GALK1: variants seen among roughly 807,000 people sequenced by gnomAD.
GALK1 encodes galactokinase.
GALK1 carries 30 observed loss-of-function variants against 38.6 expected under a neutral mutation model. The ratio of observed to expected loss-of-function variants is 0.78; its 90% CI spans 0.58 to 1.05. The LOEUF is 1.05. Ranked by LOEUF, GALK1 falls within the 50% of genes least tolerant of loss-of-function variation. GALK1 has a pLI of 0.00. For missense variants in GALK1, 512 were observed against 540.5 expected, an observed-to-expected ratio of 0.95 and a Z score of 0.52; for synonymous variants, 240 against 233.6, an observed-to-expected ratio of 1.03 and a Z score of -0.25.
At position 75,763,092 on chromosome 17, in the gene GALK1, G is replaced by T; in HGVS notation, c.533C>A (p.Ala178Glu). Residue 178 changes from alanine (A) to glutamate (E), a missense_variant, in exon 4 of 8, where the codon GCA becomes GAA. By Grantham distance (107) the Ala-to-Glu change is moderately radical. Transcript: ENST00000588479. ...QVCQQAEHSFAGMPCGIMDQF... is the reference protein window; with the variant it reads ...QVCQQAEHSFEGMPCGIMDQF... Reference sequence around the variant, plus strand: ...GTCCATGATGCCACAGGGCATCCCTGCGAAGCTGTGCTCGGCCTGCTGACA... The same window carrying T: ...GTCCATGATGCCACAGGGCATCCCTTCGAAGCTGTGCTCGGCCTGCTGACA... 6.2e-7 allele frequency: 1 copy of T among 1,612,686 alleles called. No individual in the cohort carries two copies.
chr17:75,762,872 T>G lies in GALK1; in HGVS notation c.625A>C (p.Ser209Arg), dbSNP rs371785693. The change falls in exon 5 of 8, where the codon AGC becomes CGC. Residue 209 changes from serine (S) to arginine (R), a missense_variant. Physicochemically the swap from Ser to Arg is moderately radical, Grantham distance 110. Coordinates refer to ENST00000588479, the MANE Select transcript of GALK1 (RefSeq NM_000154.2). ...LLIDCRSLETSLVPLSDPKLA... is the reference protein window; with the variant it reads ...LLIDCRSLETRLVPLSDPKLA... ...TTGGGGTCCGAGAGTGGCACCAGGC[T>G]GGTCTCCAAGGACCTGGGGTGGAGT... The G allele has an allele frequency of 3.1e-6, 5 of 1,613,416 alleles. No individual in the cohort carries two copies. In the African/African-American group the frequency reaches 5.3e-5, roughly 17 times the overall value.
chr17:75,758,150 G>A (rs370066494), intron 7 of GALK1, 23 bp from the exon 8 acceptor site: 4 of 1,611,834 alleles, frequency 2.5e-6, no homozygotes, highest in Admixed American at 1.7e-5. Flanking sequence ...GGCTGGGGGT[G>A]AGTGGCAGGG....
chr17:75,764,265 C>A (rs542661324), intron 1 of GALK1, 179 bp from the exon 2 acceptor site: 1 of 776,858 alleles, frequency 1.3e-6, no homozygotes, highest in East Asian at 2.4e-5. Context: ...AGCCCTGCCC[C>A]CTTAGGTCTT....
At chr17:75,757,394 T>A, downstream of GALK1, 1 of 1,612,984 alleles carries the variant, frequency 6.2e-7, no homozygotes, top group Non-Finnish European at 8.5e-7. Context: ...AGCCAGGTCA[T>A]CTAATGCCTC....
rs375779311 is a variant in GALK1 at position 75,758,553 on chromosome 17, G to A, written c.840C>T (p.His280=). The A allele has an allele frequency of 1.4e-3, 2,166 of 1,596,504 alleles. 44 individuals are homozygous for A. The South Asian group carries it at 0.022, about 16-fold the overall frequency. The change falls in exon 6 of 8, where the codon CAC becomes CAT. Residue 280 remains histidine, a synonymous_variant. Coordinates refer to ENST00000588479, the MANE Select transcript of GALK1 (RefSeq NM_000154.2). ...VSKEGFRRAR[H]VVGEIRRTAQ... is the part of the protein sequence containing the mutation. ...CCGTGCGCCGAATCTCCCCCACCAC[G>A]TGCCGGGCCCGCCGGAAGCCCTCTT...
chr17:75,754,084 C>T (rs2061431113), downstream of GALK1: 1 of 482,342 alleles, frequency 2.1e-6, no homozygotes, highest in Non-Finnish European at 3.4e-6. Flanking sequence ...TTCAGCCAGG[C>T]CCGGGCCTTG....
downstream of GALK1, chr17:75,755,326 A>AC: frequency 8.6e-7 from 1 of 1,164,312 alleles, no homozygotes; most frequent in Non-Finnish European, 1.2e-6. Flanking sequence ...CATCCACAGG[A>AC]CCCCCGCCTG....
downstream of GALK1, chr17:75,755,981 T>G (rs2061490807): frequency 6.2e-6 from 7 of 1,131,742 alleles, no homozygotes; most frequent in Non-Finnish European, 2.6e-6. Flanking sequence ...CCATCCAGCC[T>G]GAGAGGGTCT....
At chr17:75,756,704 G>A, downstream of GALK1, 5 of 1,613,370 alleles carry the variant, frequency 3.1e-6, no homozygotes, top group Non-Finnish European at 3.4e-6. Context: ...CTGCCCCCAG[G>A]CTCCGCCTTC....
rs2061393666 is a variant in GALK1 at position 75,752,573 on chromosome 17, C to T, written c.*23-836G>A. On this transcript the variant is annotated intron_variant, in intron 8 of 8. Coordinates refer to the GALK1 transcript ENST00000225614. Reference sequence around the variant, plus strand: ...GCCAGAGGCCCAGCGTCTCCGATGACACTGGTGAGTGGAGACCTGGGACCC... The same window carrying T: ...GCCAGAGGCCCAGCGTCTCCGATGATACTGGTGAGTGGAGACCTGGGACCC... 1 of 1,613,446 alleles carries T rather than the reference C, an allele frequency of 6.2e-7. No individual in the cohort carries two copies. The highest frequency in any genetic ancestry group is 1.3e-5 in the African/African-American group (1 of 74,946).
At chr17:75,754,673 C>T, downstream of GALK1, 2 of 1,614,126 alleles carry the variant, frequency 1.2e-6, no homozygotes, top group Non-Finnish European at 1.7e-6. Flanking sequence ...ATGGCACCCA[C>T]CTGAGCCCAC....
intron 5 of GALK1, 87 bp from the exon 6 acceptor site, chr17:75,758,686 G>T (rs1462958606): frequency 1.3e-6 from 2 of 1,501,964 alleles, no homozygotes; most frequent in East Asian, 2.4e-5. Flanking sequence ...GATGGCAGTG[G>T]CCCTGGCTGG....
downstream of GALK1, chr17:75,755,200 C>G (rs2061468625): frequency 3.7e-6 from 6 of 1,604,326 alleles, no homozygotes; most frequent in South Asian, 6.6e-5. Flanking sequence ...CAGCAGCGCC[C>G]TCCTGGGGCC....
chr17:75,757,046 G>A (rs1390553846), downstream of GALK1: 4 of 1,612,760 alleles, frequency 2.5e-6, no homozygotes, highest in Admixed American at 1.7e-5. Flanking sequence ...TGCAGGCCAG[G>A]ACCACTGAGG....
chr17:75,757,965 G>A lies in GALK1; in HGVS notation c.*91C>T. Reference sequence around the variant, plus strand: ...CACATTGGAGGCACAAGTTTATTGAGCACCCGGATATGGAAGATGGCACCG... The same window carrying A: ...CACATTGGAGGCACAAGTTTATTGAACACCCGGATATGGAAGATGGCACCG... On this transcript the variant is annotated 3_prime_UTR_variant, in exon 8 of 8. Transcript: ENST00000588479. The A allele has an allele frequency of 1.4e-6, 2 of 1,424,906 alleles. No individual in the cohort carries two copies. The highest frequency in any genetic ancestry group is 2.0e-6 in the Non-Finnish European group (2 of 1,025,326). 88.3% of individuals were successfully genotyped at this position (1,424,906 alleles called of 1,614,324 possible).
intron 1 of GALK1, chr17:75,764,526 C>T: frequency 2.0e-6 from 1 of 492,914 alleles, no homozygotes; most frequent in South Asian, 1.5e-5. Flanking sequence ...GTGTGACCTC[C>T]AGCAGTTCAC....
downstream of GALK1, chr17:75,756,917 A>G (rs914775732): frequency 4.3e-6 from 7 of 1,612,138 alleles, no homozygotes; most frequent in Non-Finnish European, 5.9e-6. Flanking sequence ...GGGGCCGCAG[A>G]CGCTGAAGGC....
chr17:75,761,811 C>T (rs924847374), intron 5 of GALK1, among the ~76,000 whole-genome samples: 21 of 149,312 alleles, frequency 1.4e-4, no homozygotes, highest in Admixed American at 8.0e-4. Flanking sequence ...TGAGGTCAGG[C>T]GTTTGAGACC....
intron 8 of GALK1, chr17:75,751,876 C>G: frequency 2.1e-6 from 1 of 482,432 alleles, no homozygotes; most frequent in South Asian, 2.0e-5. Context: ...GTGCCCTTGC[C>G]TTGTGTGGAG....
Sources: gnomAD v4.1 joint callset for allele counts (sites outside exome capture counted in the v4.1 genomes callset) on GRCh38, gnomAD v4.1.1 for gene constraint, MANE v1.5 for transcripts, NCBI Gene and HGNC (gene_info 2026-07-23, HGNC 2026-07-21) for gene names.